ZRANB3: variants seen among roughly 807,000 people sequenced by gnomAD.
ZRANB3 encodes the protein DNA annealing helicase and endonuclease ZRANB3.
ZRANB3 carries 125 observed loss-of-function variants against 133.8 expected under a neutral mutation model. The ratio of observed to expected loss-of-function variants is 0.93; its 90% confidence interval spans 0.81 to 1.08. The LOEUF (loss-of-function observed/expected upper bound fraction) is 1.08, where lower values mean the gene tolerates loss of function less well. Ranked by LOEUF, ZRANB3 falls within the 50% of genes least tolerant of loss-of-function variation. The pLI, the probability that ZRANB3 is intolerant of heterozygous loss-of-function variation, is 0.00. For synonymous variants in ZRANB3, 387 were observed against 432.7 expected, an observed-to-expected ratio of 0.89 and a Z score of 1.31; for missense variants, 1,229 against 1,275.5, an observed-to-expected ratio of 0.96 and a Z score of 0.56.
chr2:135,294,202 T>C (rs116558722), intron 8 of ZRANB3, among the ~76,000 whole-genome samples: 1 of 152,208 alleles, frequency 6.6e-6, no homozygotes, highest in African/African-American at 2.4e-5. Flanking sequence ...CTCATAGAAT[T>C]TGGATATGAA....
At chr2:135,325,325 T>C (rs1298508965) in intron 6 of ZRANB3, among the ~76,000 whole-genome samples, 2 of 152,042 alleles carry the variant, frequency 1.3e-5, no homozygotes, top group Non-Finnish European at 2.9e-5. Context: ...AAGGAAAAAA[T>C]TTATCCTGCC....
chr2:135,489,394 C>T (rs1432379732), intron 2 of ZRANB3, among the ~76,000 whole-genome samples: 1 of 150,852 alleles, frequency 6.6e-6, no homozygotes, highest in Non-Finnish European at 1.5e-5. Flanking sequence ...ACCAGCATGG[C>T]ACATGTATAC....
chr2:135,323,202 G>C (rs1474927629), intron 6 of ZRANB3, among the ~76,000 whole-genome samples: 7 of 152,154 alleles, frequency 4.6e-5, no homozygotes. Flanking sequence ...AACCACATAA[G>C]TTTAACAATG....
intron 19 of ZRANB3, among the ~76,000 whole-genome samples, chr2:135,204,346 A>G (rs1344763943): frequency 1.3e-5 from 2 of 152,172 alleles, no homozygotes; most frequent in African/African-American, 4.8e-5. Flanking sequence ...AAAAAAATCC[A>G]TTTTGGTTTT....
intron 3 of ZRANB3, among the ~76,000 whole-genome samples, chr2:135,378,654 T>C (rs72984445): frequency 0.27 from 40,841 of 152,074 alleles, 9,267 homozygotes; most frequent in African/African-American, 0.61. Flanking sequence ...GCCAGGTGAT[T>C]GGGATTAACA....
chr2:135,526,356 G>A (rs189528064), intron 1 of ZRANB3, among the ~76,000 whole-genome samples: 14 of 152,070 alleles, frequency 9.2e-5, no homozygotes, highest in African/African-American at 3.1e-4. Flanking sequence ...TAGAGACAGG[G>A]TTTCACCATG....
At chr2:135,441,850 C>T (rs901942626) in intron 2 of ZRANB3, among the ~76,000 whole-genome samples, 4 of 152,012 alleles carry the variant, frequency 2.6e-5, no homozygotes, top group Non-Finnish European at 5.9e-5. Context: ...TTTGTTTTAA[C>T]ACAAAAGAAT....
At chr2:135,386,768 C>T (rs1315388848) in intron 3 of ZRANB3, among the ~76,000 whole-genome samples, 1 of 152,076 alleles carries the variant, frequency 6.6e-6, no homozygotes, top group East Asian at 1.9e-4. Flanking sequence ...CGCATGTTCT[C>T]ACTCTTAGGT....
At chr2:135,481,580 A>G (rs1691812836) in intron 2 of ZRANB3, among the ~76,000 whole-genome samples, 1 of 151,592 alleles carries the variant, frequency 6.6e-6, no homozygotes, top group African/African-American at 2.4e-5. Context: ...GTTCACTCTG[A>G]TGGTAGTTTC....
chr2:135,373,004 C>G (rs926163453), intron 3 of ZRANB3, among the ~76,000 whole-genome samples: 1 of 150,896 alleles, frequency 6.6e-6, no homozygotes, highest in Non-Finnish European at 1.5e-5. Flanking sequence ...ATTGCTTGAG[C>G]CCAGGAGTTC....
chr2:135,371,302 C>T (rs564018543), intron 3 of ZRANB3, among the ~76,000 whole-genome samples: 76 of 152,278 alleles, frequency 5.0e-4, no homozygotes, highest in African/African-American at 1.5e-3. Flanking sequence ...ATTTTCTTTA[C>T]GATGCACTTG....
chr2:135,347,692 T>C (rs1457926901), intron 5 of ZRANB3, among the ~76,000 whole-genome samples: 2 of 152,208 alleles, frequency 1.3e-5, no homozygotes, highest in Non-Finnish European at 2.9e-5. Context: ...TTTATATCCA[T>C]TTAATATGAC....
At chr2:135,235,478 C>A (rs1415093321) in intron 12 of ZRANB3, among the ~76,000 whole-genome samples, 1 of 151,932 alleles carries the variant, frequency 6.6e-6, no homozygotes, top group Non-Finnish European at 1.5e-5. Context: ...GGCAGAGACA[C>A]AACAAAAAAA....
At chr2:135,210,069 T>C (rs937094040) in intron 17 of ZRANB3, among the ~76,000 whole-genome samples, 1 of 152,140 alleles carries the variant, frequency 6.6e-6, no homozygotes, top group Admixed American at 6.5e-5. Context: ...TTACCTCTGT[T>C]GGCAGTTTTG....
chr2:135,470,359 G>T (rs1559020212), intron 2 of ZRANB3, among the ~76,000 whole-genome samples: 1 of 151,448 alleles, frequency 6.6e-6, no homozygotes, highest in Non-Finnish European at 1.5e-5. Context: ...CTAAAAGTAG[G>T]TATGTTTTAT....
chr2:135,504,042 AG>A (rs1325061250), intron 2 of ZRANB3, among the ~76,000 whole-genome samples: 3 of 152,234 alleles, frequency 2.0e-5, no homozygotes, highest in Non-Finnish European at 4.4e-5. Flanking sequence ...TTCATGTGAA[AG>A]CAATACATTC....
chr2:135,505,435 G>A (rs757051197), intron 1 of ZRANB3, among the ~76,000 whole-genome samples: 1 of 152,064 alleles, frequency 6.6e-6, no homozygotes, highest in South Asian at 2.1e-4. Context: ...TTAGCTGGGC[G>A]TGGTGGCGCT....
At position 135,220,655 on chromosome 2, in the gene ZRANB3, G is replaced by A. The variant is rs1400548880; in HGVS notation, c.2251-1477C>T. On this transcript the variant is annotated intron_variant, in intron 15 of 20. Coordinates refer to ENST00000264159, the MANE Select transcript of ZRANB3 (RefSeq NM_032143.4). ...AGAGATTACAGTGAGCCTAGATCCC[G>A]CCACTGCACTCCAGCCTGGGTGGCA... Among the ~76,000 whole-genome samples the A allele has an allele frequency of 3.7e-5, 5 of 133,372 alleles. 1 individual carries two copies. Among genetic ancestry groups the A allele is most frequent in the South Asian group, 5.0e-4 (2 of 3,986 alleles). 87.5% of individuals were successfully genotyped at this position (133,372 alleles called of 152,430 possible). A position where few individuals can be genotyped will look rare whatever the true frequency, so the allele number is the denominator to read the frequency against.
intron 3 of ZRANB3, among the ~76,000 whole-genome samples, chr2:135,376,321 A>G (rs939411258): frequency 2.6e-5 from 4 of 152,216 alleles, no homozygotes; most frequent in African/African-American, 9.6e-5. Context: ...CTAGGAAACT[A>G]GCACACTATA....
Sources: allele counts gnomAD v4.1 joint callset (sites outside exome capture counted in the v4.1 genomes callset), GRCh38; gene constraint gnomAD v4.1.1; transcripts MANE v1.5; gene names NCBI Gene and HGNC (gene_info 2026-07-23, HGNC 2026-07-21).